SLC9C2: variants seen among roughly 807,000 people sequenced by gnomAD.
SLC9C2 encodes the protein solute carrier family 9 member C2 (putative).
A neutral mutation model predicts 140.2 loss-of-function variants in SLC9C2; 75 were observed. The ratio of observed to expected loss-of-function variants is 0.53; its 90% CI spans 0.44 to 0.65. SLC9C2 has a LOEUF of 0.65. SLC9C2 is among the 30% of genes least tolerant of loss of function. The pLI, the probability that SLC9C2 is intolerant of heterozygous loss-of-function variation, is 0.00. For missense variants in SLC9C2, 1,074 were observed against 1,331.8 expected, an observed-to-expected ratio of 0.81 and a Z score of 3.01; for synonymous variants, 375 against 420.9, an observed-to-expected ratio of 0.89 and a Z score of 1.34.
At chr1:173,544,440 G>A (rs1420027625) in intron 13 of SLC9C2, among the ~76,000 whole-genome samples, 1 of 152,192 alleles carries the variant, frequency 6.6e-6, no homozygotes, top group South Asian at 2.1e-4. Flanking sequence ...CATTGTGGAA[G>A]ACAGTGTGGC....
At chr1:173,530,705 T>C (rs1006682222) in intron 17 of SLC9C2, among the ~76,000 whole-genome samples, 8 of 152,060 alleles carry the variant, frequency 5.3e-5, no homozygotes, top group Non-Finnish European at 8.8e-5. Context: ...GGAAATAATA[T>C]CTAAATACCA....
intron 11 of SLC9C2, among the ~76,000 whole-genome samples, chr1:173,550,915 G>T (rs1400230209): frequency 1.1e-5 from 1 of 87,318 alleles, no homozygotes; most frequent in East Asian, 2.1e-4. Flanking sequence ...AGAGAAGGAA[G>T]GGAAGGGAAG....
chr1:173,503,362 T>C (rs1352071633), intron 26 of SLC9C2, 36 bp from the exon 27 acceptor site: 1 of 1,590,126 alleles, frequency 6.3e-7, no homozygotes, highest in Non-Finnish European at 8.6e-7. Flanking sequence ...AAAAAGTAAA[T>C]TAGGAATTTA....
At chr1:173,540,324 A>C (rs1316562936) in intron 13 of SLC9C2, among the ~76,000 whole-genome samples, 1 of 152,268 alleles carries the variant, frequency 6.6e-6, no homozygotes, top group Non-Finnish European at 1.5e-5. Context: ...AATCACCTGG[A>C]TTGCCAACAC....
intron 12 of SLC9C2, among the ~76,000 whole-genome samples, chr1:173,548,107 T>C (rs1203582043): frequency 6.6e-6 from 1 of 152,242 alleles, no homozygotes; most frequent in Non-Finnish European, 1.5e-5. Flanking sequence ...TCTTAAGCCA[T>C]TAAAAACATT....
chr1:173,598,166 A>G, intron 3 of SLC9C2, 134 bp from the exon 4 acceptor site: 1 of 910,568 alleles, frequency 1.1e-6, no homozygotes. Context: ...CTACAAGGGC[A>G]GTCCTAAGGG....
intron 24 of SLC9C2, among the ~76,000 whole-genome samples, chr1:173,507,946 A>G (rs998563671): frequency 2.0e-5 from 3 of 152,168 alleles, no homozygotes; most frequent in African/African-American, 7.2e-5. Flanking sequence ...TTTAGAGATC[A>G]GCCCAACAGT....
chr1:173,539,005 C>T (rs1419393429), intron 13 of SLC9C2, among the ~76,000 whole-genome samples: 1 of 152,202 alleles, frequency 6.6e-6, no homozygotes, highest in South Asian at 2.1e-4. Flanking sequence ...TATAGTCTCT[C>T]TTGGAGAATC....
intron 4 of SLC9C2, among the ~76,000 whole-genome samples, chr1:173,595,818 T>A (rs1397717773): frequency 6.6e-6 from 1 of 152,202 alleles, no homozygotes; most frequent in African/African-American, 2.4e-5. Flanking sequence ...TCTACTCTTT[T>A]GGTGTACAGT....
Position 173,501,028 on chromosome 1 carries a change from C to T in SLC9C2, c.*66G>A. On this transcript the variant is annotated 3_prime_UTR_variant, in exon 28 of 28. Transcript: ENST00000367714. ...ATTTGAGCGAGGAAAGTAGTTTGGT[C>T]TTTAACCTGACTCCACACATCATAT... 1 of 1,433,990 alleles carries T rather than the reference C, an allele frequency of 7.0e-7. No individual in the cohort carries two copies. Among genetic ancestry groups the T allele is most frequent in the Non-Finnish European group, 9.2e-7 (1 of 1,088,978 alleles). The allele number at this position is 1,433,990 out of a possible 1,614,324, so 88.8% of individuals were successfully genotyped here.
chr1:173,568,867 CTA>C (rs1558075385), intron 9 of SLC9C2, among the ~76,000 whole-genome samples: 1 of 152,098 alleles, frequency 6.6e-6, no homozygotes. Flanking sequence ...TCATAGTATT[CTA>C]TGTTTTTGTG....
chr1:173,585,192 T>G (rs1431363633), intron 5 of SLC9C2, among the ~76,000 whole-genome samples: 1 of 152,184 alleles, frequency 6.6e-6, no homozygotes, highest in African/African-American at 2.4e-5. Context: ...AGGTAATGGA[T>G]AGACAATTTC....
rs79714007 is a variant in SLC9C2, at chr1:173,534,420, C to T, written c.1974+64G>A. On this transcript the variant is annotated intron_variant, in intron 16 of 27. Coordinates refer to ENST00000367714, the MANE Select transcript of SLC9C2 (RefSeq NM_178527.4). ...GTATCAAGTTACTTCAATAATATGACAAAATAGATTCAAAATACCTGAATT... is the reference window on the plus strand; with the variant it reads ...GTATCAAGTTACTTCAATAATATGATAAAATAGATTCAAAATACCTGAATT... The T allele has an allele frequency of 3.9e-3, 5,656 of 1,452,844 alleles. 186 individuals carry two copies. In the African/African-American group the frequency reaches 0.069, roughly 18 times the overall value. The allele number at this position is 1,452,844 out of a possible 1,614,324, so 90.0% of individuals were successfully genotyped here.
At chr1:173,531,908 T>C (rs1344242280) in intron 17 of SLC9C2, among the ~76,000 whole-genome samples, 1 of 152,218 alleles carries the variant, frequency 6.6e-6, no homozygotes, top group Non-Finnish European at 1.5e-5. Flanking sequence ...TTTTAAGTCT[T>C]TGCATCACAC....
At chr1:173,509,724 T>C (rs1383288976) in intron 23 of SLC9C2, 25 bp from the exon 24 acceptor site, 5 of 1,565,572 alleles carry the variant, frequency 3.2e-6, no homozygotes, top group African/African-American at 2.8e-5. Context: ...AACCAGGCCA[T>C]AGCAGCTTGA....
chr1:173,565,274 T>C (rs1216012720), intron 9 of SLC9C2, among the ~76,000 whole-genome samples: 1 of 152,226 alleles, frequency 6.6e-6, no homozygotes, highest in East Asian at 1.9e-4. Flanking sequence ...ACTCAAGAAA[T>C]CTATGCCCAG....
At chr1:173,544,581 A>T (rs1235248063) in intron 13 of SLC9C2, among the ~76,000 whole-genome samples, 1 of 152,348 alleles carries the variant, frequency 6.6e-6, no homozygotes, top group African/African-American at 2.4e-5. Context: ...GGCATCATTC[A>T]CAATAGCAAA....
chr1:173,592,756 T>C (rs1183330420), intron 4 of SLC9C2, among the ~76,000 whole-genome samples: 1 of 152,190 alleles, frequency 6.6e-6, no homozygotes, highest in Non-Finnish European at 1.5e-5. Flanking sequence ...GATTTGGGGC[T>C]GAGATTATGG....
At chr1:173,565,518 A>AGAC (rs1206562064) in intron 9 of SLC9C2, among the ~76,000 whole-genome samples, 2 of 152,324 alleles carry the variant, frequency 1.3e-5, no homozygotes, top group African/African-American at 4.8e-5. Context: ...AGTTCACTGT[A>AGAC]GACATATGGA....
Sources: gnomAD v4.1 joint callset for allele counts (sites outside exome capture counted in the v4.1 genomes callset) on GRCh38, gnomAD v4.1.1 for gene constraint, MANE v1.5 for transcripts, NCBI Gene and HGNC (gene_info 2026-07-23, HGNC 2026-07-21) for gene names.